GPHN: variants seen among roughly 807,000 people sequenced by gnomAD.
The protein encoded by GPHN is gephyrin.
Under a neutral mutation model 95.5 loss-of-function variants are expected in GPHN, and 17 were observed. The ratio of observed to expected loss-of-function variants is 0.18; its 90% CI spans 0.12 to 0.27. The LOEUF is 0.27. Among genes scored for constraint, GPHN ranks in the 10% least tolerant of loss-of-function variants. GPHN has a pLI of 1.00. For missense variants in GPHN, 660 were observed against 978.1 expected, an observed-to-expected ratio of 0.67 and a Z score of 4.34; for synonymous variants, 320 against 322.5, an observed-to-expected ratio of 0.99 and a Z score of 0.08.
intron 18 of GPHN, among the ~76,000 whole-genome samples, chr14:67,154,394 A>T (rs935427628): frequency 1.3e-5 from 2 of 152,170 alleles, no homozygotes; most frequent in Admixed American, 1.3e-4. Flanking sequence ...AATTATAATT[A>T]TTTTATTTGT....
At chr14:66,524,765 G>C (rs557276679) in intron 1 of GPHN, among the ~76,000 whole-genome samples, 16 of 152,096 alleles carry the variant, frequency 1.1e-4, no homozygotes, top group African/African-American at 3.9e-4. Context: ...TTCTGTTCTC[G>C]TGTTAGTTTG....
rs567454339 is a variant in GPHN at position 66,888,342 on chromosome 14, A to G, written c.389+8309A>G. The stretch of plus-strand genomic sequence containing the variant: ...AAAAAAACTCCCTATCTATAGAGGA[A>G]GAAAGATAAGAATTACATTTAACTT... On this transcript the variant is annotated intron_variant, in intron 5 of 22. Transcript: ENST00000478722. Among the ~76,000 whole-genome samples the G allele has an allele frequency of 8.4e-4, 128 of 152,312 alleles. 3 individuals carry two copies. In the South Asian group the frequency reaches 0.026, roughly 31 times the overall value.
chr14:67,140,694 A>G (rs2080404651), intron 17 of GPHN, among the ~76,000 whole-genome samples: 1 of 152,156 alleles, frequency 6.6e-6, no homozygotes, highest in Admixed American at 6.5e-5. Flanking sequence ...TGTTTTTTCC[A>G]TTTACTCCAT....
the GPHN span, among the ~76,000 whole-genome samples, chr14:67,625,680 CAAAAAA>C: frequency 9.3e-5 from 3 of 32,128 alleles, no homozygotes; most frequent in Non-Finnish European, 2.0e-4. Flanking sequence ...AACTCCATCT[CAAAAAA>C]AAAAAAAAAA....
chr14:67,052,522 G>A (rs906777513), intron 10 of GPHN, among the ~76,000 whole-genome samples: 9 of 152,050 alleles, frequency 5.9e-5, no homozygotes, highest in Non-Finnish European at 1.3e-4. Flanking sequence ...ATACTGCACT[G>A]TCAATATTAG....
intron 18 of GPHN, 73 bp downstream of exon 18, chr14:67,143,522 G>T: frequency 1.1e-6 from 1 of 931,024 alleles, no homozygotes; most frequent in Non-Finnish European, 1.8e-6. Flanking sequence ...CTGTGGTCTG[G>T]TAGGCATCTG....
intron 21 of GPHN, among the ~76,000 whole-genome samples, chr14:67,175,323 A>C (rs1005906087): frequency 6.6e-6 from 1 of 152,214 alleles, no homozygotes; most frequent in African/African-American, 2.4e-5. Context: ...AGCACCATTT[A>C]ATAAATAGGG....
the GPHN span, among the ~76,000 whole-genome samples, chr14:67,607,524 G>T: frequency 1.3e-5 from 2 of 152,094 alleles, no homozygotes; most frequent in African/African-American, 4.8e-5. Flanking sequence ...ATGCCACCGG[G>T]GCCAGTTAAT....
intron 2 of GPHN, among the ~76,000 whole-genome samples, chr14:66,774,873 TA>T (rs1286092672): frequency 6.6e-6 from 1 of 152,220 alleles, no homozygotes; most frequent in Non-Finnish European, 1.5e-5. Flanking sequence ...ATACTTTATT[TA>T]AAATACTGTA....
chr14:67,629,447 C>CAT, the GPHN span, among the ~76,000 whole-genome samples: 12 of 152,198 alleles, frequency 7.9e-5, no homozygotes, highest in African/African-American at 2.9e-4. Context: ...ACAAATACAG[C>CAT]ATGATTCCAT....
chr14:67,646,976 C>CT, the GPHN span: 1 of 1,613,076 alleles, frequency 6.2e-7, no homozygotes, highest in African/African-American at 1.3e-5. Flanking sequence ...TATTGATCGA[C>CT]TTGGTATCCA....
intron 11 of GPHN, among the ~76,000 whole-genome samples, chr14:67,062,769 G>T (rs899625053): frequency 2.0e-5 from 3 of 151,938 alleles, no homozygotes; most frequent in African/African-American, 4.8e-5. Flanking sequence ...GGGTTGTTTG[G>T]TTTTTTTCTT....
the GPHN span, among the ~76,000 whole-genome samples, chr14:67,371,693 A>G: frequency 6.6e-6 from 1 of 152,192 alleles, no homozygotes; most frequent in Admixed American, 6.5e-5. Flanking sequence ...GATACAGTAA[A>G]AATACAGTAT....
At chr14:67,630,938 C>A in the GPHN span, among the ~76,000 whole-genome samples, 1 of 152,188 alleles carries the variant, frequency 6.6e-6, no homozygotes. Flanking sequence ...CAGCTAAAAA[C>A]CTTTTCTTTC....
chr14:67,344,842 C>A, the GPHN span, among the ~76,000 whole-genome samples: 1,966 of 151,752 alleles, frequency 0.013, 46 homozygotes, highest in African/African-American at 0.045. Context: ...GATCGCAACA[C>A]TGCACTCCAG....
At chr14:67,506,624 G>T in the GPHN span, among the ~76,000 whole-genome samples, 4 of 152,180 alleles carry the variant, frequency 2.6e-5, no homozygotes, top group East Asian at 7.7e-4. Context: ...GAACTCATTT[G>T]CTCCTCAACC....
intron 1 of GPHN, among the ~76,000 whole-genome samples, chr14:66,580,892 A>T (rs758765466): frequency 8.6e-4 from 131 of 151,944 alleles, no homozygotes; most frequent in Non-Finnish European, 1.5e-3. Flanking sequence ...AATATTGTTG[A>T]TGAAGATAGA....
At chr14:67,626,603 T>A in the GPHN span, among the ~76,000 whole-genome samples, 1 of 152,172 alleles carries the variant, frequency 6.6e-6, no homozygotes, top group Non-Finnish European at 1.5e-5. Flanking sequence ...TCTGAGTACC[T>A]GGGACCACAG....
At chr14:67,133,110 A>G (rs532557134) in intron 17 of GPHN, among the ~76,000 whole-genome samples, 4 of 152,282 alleles carry the variant, frequency 2.6e-5, no homozygotes, top group East Asian at 3.9e-4. Context: ...GTTTGATTCC[A>G]TACGTGAAGT....
Sources: gnomAD v4.1 joint callset for allele counts (sites outside exome capture counted in the v4.1 genomes callset) on GRCh38, gnomAD v4.1.1 for gene constraint, MANE v1.5 for transcripts, NCBI Gene and HGNC (gene_info 2026-07-23, HGNC 2026-07-21) for gene names.